LINGO2: variants seen among roughly 807,000 people sequenced by gnomAD.
The protein encoded by LINGO2 is leucine-rich repeat and immunoglobulin-like domain-containing nogo receptor-interacting protein 2.
LINGO2 carries 14 observed loss-of-function variants against 30.6 expected under a neutral mutation model. The ratio of observed to expected loss-of-function variants is 0.46; its 90% CI spans 0.30 to 0.72. The LOEUF (loss-of-function observed/expected upper bound fraction) is 0.72, where lower values mean the gene tolerates loss of function less well. Ranked by LOEUF, LINGO2 falls within the 30% of genes least tolerant of loss-of-function variation. The probability of loss-of-function intolerance (pLI) is 0.07; values close to 1 mark genes in which losing one functional copy is unlikely to be tolerated. For synonymous variants in LINGO2, 317 were observed against 288.5 expected (o/e 1.10, Z -1.00); for missense variants, 729 against 751.7 (o/e 0.97, Z 0.35).
intron 4 of LINGO2, among the ~76,000 whole-genome samples, chr9:28,094,395 T>C (rs1222272781): frequency 6.6e-6 from 1 of 152,046 alleles, no homozygotes; most frequent in Non-Finnish European, 1.5e-5. Context: ...TGTCCCAAAA[T>C]GACTTCGGTG....
chr9:28,788,003 T>A, the LINGO2 span, among the ~76,000 whole-genome samples: 2 of 152,158 alleles, frequency 1.3e-5, no homozygotes, highest in African/African-American at 2.4e-5. Context: ...GTAAATTATG[T>A]GAACTAAAAC....
intron 1 of LINGO2, among the ~76,000 whole-genome samples, chr9:28,610,056 G>A (rs1220172341): frequency 2.0e-5 from 3 of 151,988 alleles, no homozygotes; most frequent in African/African-American, 7.2e-5. Context: ...ACTGTTAATA[G>A]TGGTTACCCC....
intron 3 of LINGO2, among the ~76,000 whole-genome samples, chr9:28,358,440 G>C (rs545610450): frequency 1.7e-3 from 256 of 152,200 alleles, no homozygotes; most frequent in Middle Eastern, 3.4e-3. Context: ...GTCACAAATG[G>C]AGAGAATAAT....
intron 1 of LINGO2, among the ~76,000 whole-genome samples, chr9:28,539,853 T>G (rs1237183171): frequency 6.6e-6 from 1 of 152,154 alleles, no homozygotes; most frequent in Non-Finnish European, 1.5e-5. Flanking sequence ...GAATTGCTAA[T>G]TCAACTCTAG....
At chr9:28,266,106 T>G (rs1485688062) in intron 4 of LINGO2, among the ~76,000 whole-genome samples, 1 of 151,994 alleles carries the variant, frequency 6.6e-6, no homozygotes, top group Non-Finnish European at 1.5e-5. Flanking sequence ...TTCTTTAATA[T>G]ACTCACTATG....
intron 2 of LINGO2, among the ~76,000 whole-genome samples, chr9:28,413,885 G>C (rs898864034): frequency 6.6e-6 from 1 of 152,010 alleles, no homozygotes; most frequent in African/African-American, 2.4e-5. Flanking sequence ...ACAGACTGGT[G>C]CTTTGAAGAG....
chr9:29,086,972 C>A, the LINGO2 span, among the ~76,000 whole-genome samples: 1 of 151,416 alleles, frequency 6.6e-6, no homozygotes, highest in South Asian at 2.1e-4. Flanking sequence ...ACATCTGCCT[C>A]CCGGGCAATT....
chr9:28,640,089 T>A (rs535187614), intron 1 of LINGO2, among the ~76,000 whole-genome samples: 24 of 152,260 alleles, frequency 1.6e-4, no homozygotes, highest in South Asian at 1.2e-3. Context: ...AAGCTTAGTT[T>A]GGCTGGATAT....
At chr9:28,426,272 C>T (rs1823409135) in intron 2 of LINGO2, among the ~76,000 whole-genome samples, 1 of 151,916 alleles carries the variant, frequency 6.6e-6, no homozygotes, top group African/African-American at 2.4e-5. Flanking sequence ...ATAGGTTTGC[C>T]TATAACATAT....
At chr9:28,044,232 C>G (rs925116794) in intron 4 of LINGO2, among the ~76,000 whole-genome samples, 5 of 152,030 alleles carry the variant, frequency 3.3e-5, no homozygotes, top group African/African-American at 1.2e-4. Flanking sequence ...GTAATGATAC[C>G]ACCTCAAGGA....
intron 4 of LINGO2, among the ~76,000 whole-genome samples, chr9:28,218,351 T>A (rs11788498): frequency 0.11 from 16,116 of 151,672 alleles, 932 homozygotes; most frequent in Middle Eastern, 0.15. Context: ...GCTAGTTAAG[T>A]ATGCACTTAC....
intron 3 of LINGO2, among the ~76,000 whole-genome samples, chr9:28,328,779 T>G (rs10757729): frequency 0.52 from 79,651 of 151,946 alleles, 21,788 homozygotes; most frequent in Non-Finnish European, 0.6. Context: ...ATAGGATTCT[T>G]CCAGTTAACT....
intron 3 of LINGO2, among the ~76,000 whole-genome samples, chr9:28,357,311 T>TA (rs1820250211): frequency 1.7e-5 from 1 of 57,510 alleles, no homozygotes; most frequent in South Asian, 9.6e-4. Flanking sequence ...GATACAGAAA[T>TA]AAAGCCCACC....
chr9:28,631,082 T>A (rs75153393), intron 1 of LINGO2, among the ~76,000 whole-genome samples: 12,075 of 151,962 alleles, frequency 0.079, 668 homozygotes, highest in Admixed American at 0.2. Flanking sequence ...ATTAAAAAAA[T>A]TATAAATGAA....
At chr9:29,173,142 C>A in the LINGO2 span, among the ~76,000 whole-genome samples, 1 of 151,958 alleles carries the variant, frequency 6.6e-6, no homozygotes, top group African/African-American at 2.4e-5. Flanking sequence ...TCTTTTCACC[C>A]AACCTTTGGG....
chr9:28,242,934 G>T (rs1205292825), intron 4 of LINGO2, among the ~76,000 whole-genome samples: 1 of 152,102 alleles, frequency 6.6e-6, no homozygotes, highest in Non-Finnish European at 1.5e-5. Context: ...GAGGGAATTC[G>T]TCATTACCAG....
intron 1 of LINGO2, among the ~76,000 whole-genome samples, chr9:28,613,457 GATAT>G (rs112395174): frequency 4.7e-5 from 7 of 149,770 alleles, no homozygotes; most frequent in East Asian, 3.9e-4. Context: ...ATACCCATAT[GATAT>G]ATATATATTT....
chr9:28,338,524 C>A (rs1234661980), intron 3 of LINGO2, among the ~76,000 whole-genome samples: 1 of 151,992 alleles, frequency 6.6e-6, no homozygotes, highest in Admixed American at 6.6e-5. Context: ...GTACCAGGGG[C>A]AGAATGATGT....
chr9:28,312,034 C>A (rs552638370), intron 3 of LINGO2, among the ~76,000 whole-genome samples: 3 of 152,118 alleles, frequency 2.0e-5, no homozygotes, highest in African/African-American at 7.2e-5. Flanking sequence ...CCAGTCCCTC[C>A]GTTCGGGGTC....
Sources: allele counts gnomAD v4.1 joint callset (sites outside exome capture counted in the v4.1 genomes callset), GRCh38; gene constraint gnomAD v4.1.1; transcripts MANE v1.5; gene names NCBI Gene and HGNC (gene_info 2026-07-23, HGNC 2026-07-21).